NCKAP5: variants seen among roughly 807,000 people sequenced by gnomAD.
NCKAP5 encodes the protein nck-associated protein 5.
NCKAP5 carries 92 observed loss-of-function variants against 167.0 expected under a neutral mutation model. That is an observed-to-expected ratio of 0.55 (90% CI 0.47 to 0.66). NCKAP5 has a LOEUF of 0.66. Among genes scored for constraint, NCKAP5 ranks in the 30% least tolerant of loss-of-function variants. The pLI, the probability that NCKAP5 is intolerant of heterozygous loss-of-function variation, is 0.00. For missense variants in NCKAP5, 2,378 were observed against 2,315.0 expected (o/e 1.03, Z -0.56); for synonymous variants, 891 against 877.4 (o/e 1.02, Z -0.27).
rs144331158 is a variant in NCKAP5 at position 133,322,515 on chromosome 2, A to G, written c.70-19405T>C. ...AGTAAAACAGTGTGTCTGTCTCTGT[A>G]TTACTGATGAGAAACCTGGGCTCAT... On this transcript the variant is annotated intron_variant, in intron 3 of 19. Transcript: ENST00000409261. Among the ~76,000 whole-genome samples the G allele has an allele frequency of 3.4e-3, 521 of 152,348 alleles. 5 individuals are homozygous for G. The highest frequency in any genetic ancestry group is 4.5e-3 in the Non-Finnish European group (306 of 68,030).
intron 6 of NCKAP5, among the ~76,000 whole-genome samples, chr2:133,004,800 G>T (rs1418716532): frequency 6.6e-6 from 1 of 152,162 alleles, no homozygotes; most frequent in Admixed American, 6.5e-5. Flanking sequence ...GGAGACCAGG[G>T]CATATTTCAC....
At chr2:132,780,062 G>T (rs1486905182) in intron 15 of NCKAP5, among the ~76,000 whole-genome samples, 2 of 152,196 alleles carry the variant, frequency 1.3e-5, no homozygotes, top group Admixed American at 1.3e-4. Context: ...AATGTACAGA[G>T]AGTAAGTGCA....
intron 4 of NCKAP5, among the ~76,000 whole-genome samples, chr2:133,273,135 C>CA (rs1205407477): frequency 6.6e-6 from 1 of 152,102 alleles, no homozygotes; most frequent in Non-Finnish European, 1.5e-5. Flanking sequence ...AGCTAGTTTC[C>CA]AAAGCAGCTG....
At chr2:132,869,063 A>G in intron 9 of NCKAP5, 89 bp from the exon 10 acceptor site, 1 of 858,982 alleles carries the variant, frequency 1.2e-6, no homozygotes, top group South Asian at 1.8e-5. Context: ...CTCGCAGCTT[A>G]TTGTAGCTAA....
intron 4 of NCKAP5, among the ~76,000 whole-genome samples, chr2:133,256,307 G>A (rs868655007): frequency 4.6e-5 from 7 of 151,874 alleles, no homozygotes; most frequent in African/African-American, 1.7e-4. Context: ...AAATTACATT[G>A]AGGCATCTAG....
At chr2:133,564,656 G>C (rs894230380) in intron 1 of NCKAP5, among the ~76,000 whole-genome samples, 1 of 152,166 alleles carries the variant, frequency 6.6e-6, no homozygotes, top group Non-Finnish European at 1.5e-5. Flanking sequence ...AGCAGGGAAC[G>C]TTGTCAGATG....
chr2:133,468,468 T>A (rs964231868), intron 3 of NCKAP5, among the ~76,000 whole-genome samples: 1 of 151,386 alleles, frequency 6.6e-6, no homozygotes, highest in Non-Finnish European at 1.5e-5. Flanking sequence ...GGTGTGGTGC[T>A]GAAAAAAATG....
chr2:132,967,224 C>CT (rs2076700379), intron 7 of NCKAP5, among the ~76,000 whole-genome samples: 1 of 151,576 alleles, frequency 6.6e-6, no homozygotes, highest in Non-Finnish European at 1.5e-5. Flanking sequence ...TACACACACT[C>CT]TTAAAGTACC....
chr2:133,432,607 C>T (rs111968334), intron 3 of NCKAP5, among the ~76,000 whole-genome samples: 5,029 of 152,206 alleles, frequency 0.033, 120 homozygotes, highest in Admixed American at 0.08. Context: ...TGAAACTGTT[C>T]CCTCTAAATA....
chr2:133,194,768 C>A (rs1441856668), intron 5 of NCKAP5, among the ~76,000 whole-genome samples: 1 of 151,196 alleles, frequency 6.6e-6, no homozygotes, highest in African/African-American at 2.4e-5. Context: ...AAGAAGAATG[C>A]ATTCATATTC....
intron 6 of NCKAP5, among the ~76,000 whole-genome samples, chr2:133,128,367 C>T (rs780616596): frequency 6.6e-5 from 10 of 152,198 alleles, no homozygotes; most frequent in Non-Finnish European, 8.8e-5. Context: ...TTGTCCTTCA[C>T]AAGGTTCCTA....
At chr2:133,207,566 C>T (rs535189701) in intron 5 of NCKAP5, among the ~76,000 whole-genome samples, 32 of 151,512 alleles carry the variant, frequency 2.1e-4, no homozygotes, top group Admixed American at 9.2e-4. Context: ...GATTCTAAGA[C>T]GGGGGTAAGA....
chr2:133,174,718 C>CCA (rs2084386839), intron 5 of NCKAP5, among the ~76,000 whole-genome samples: 1 of 100,042 alleles, frequency 1.0e-5, no homozygotes, highest in Non-Finnish European at 1.9e-5. Flanking sequence ...TTTTTTTTCT[C>CCA]CCCCCTGCTC....
intron 3 of NCKAP5, among the ~76,000 whole-genome samples, chr2:133,346,140 T>C (rs1456774825): frequency 6.6e-6 from 1 of 152,138 alleles, no homozygotes; most frequent in Non-Finnish European, 1.5e-5. Flanking sequence ...GCCTCTTACC[T>C]AACCATGGAG....
At chr2:133,430,489 C>T (rs183435587) in intron 3 of NCKAP5, among the ~76,000 whole-genome samples, 1 of 152,060 alleles carries the variant, frequency 6.6e-6, no homozygotes, top group East Asian at 1.9e-4. Flanking sequence ...TTTCTTCTGG[C>T]ATTTTTATAA....
At chr2:132,769,734 G>A (rs1227174816) in intron 16 of NCKAP5, among the ~76,000 whole-genome samples, 3 of 152,220 alleles carry the variant, frequency 2.0e-5, no homozygotes, top group Non-Finnish European at 4.4e-5. Flanking sequence ...AGCATCCTTT[G>A]CAGCTAGGAT....
At chr2:133,308,567 G>A (rs1680973155) in intron 3 of NCKAP5, among the ~76,000 whole-genome samples, 1 of 151,486 alleles carries the variant, frequency 6.6e-6, no homozygotes, top group South Asian at 2.1e-4. Context: ...TCAGATGAAA[G>A]CAAATGATAT....
At chr2:132,820,422 G>T (rs1007229883) in intron 11 of NCKAP5, among the ~76,000 whole-genome samples, 1 of 151,908 alleles carries the variant, frequency 6.6e-6, no homozygotes, top group African/African-American at 2.4e-5. Flanking sequence ...TAGAGACGGG[G>T]TTTCATTGTG....
chr2:133,410,391 C>A (rs899595509), intron 3 of NCKAP5, among the ~76,000 whole-genome samples: 1 of 152,200 alleles, frequency 6.6e-6, no homozygotes, highest in Non-Finnish European at 1.5e-5. Context: ...CCTACACATC[C>A]CAGTTTAAGA....
Sources: gnomAD v4.1 joint callset for allele counts (sites outside exome capture counted in the v4.1 genomes callset) on GRCh38, gnomAD v4.1.1 for gene constraint, MANE v1.5 for transcripts, NCBI Gene and HGNC (gene_info 2026-07-23, HGNC 2026-07-21) for gene names.